The following PMM2 variants were observed in gnomAD, a reference collection of about 807,000 sequenced individuals.
PMM2 encodes the protein phosphomannomutase 2.
A neutral mutation model predicts 33.2 loss-of-function variants in PMM2; 35 were observed. The ratio of observed to expected loss-of-function variants is 1.06; its 90% CI spans 0.81 to 1.40. The LOEUF is 1.40. Among genes scored for constraint, PMM2 ranks in the 40% most tolerant of loss-of-function variants. The probability of loss-of-function intolerance (pLI) is 0.00; values close to 1 mark genes in which losing one functional copy is unlikely to be tolerated. For synonymous variants in PMM2, 153 were observed against 114.7 expected, an observed-to-expected ratio of 1.33 and a Z score of -2.13; for missense variants, 386 against 306.0, an observed-to-expected ratio of 1.26 and a Z score of -1.95.
At chr16:8,824,587 T>C (rs1448163336) in intron 7 of PMM2, among the ~76,000 whole-genome samples, 1 of 152,202 alleles carries the variant, frequency 6.6e-6, no homozygotes, top group Non-Finnish European at 1.5e-5. Flanking sequence ...CTTTTTTATA[T>C]TTGACAGTGC....
At chr16:8,804,038 T>TTGTTTG (rs1555449114) in intron 2 of PMM2, among the ~76,000 whole-genome samples, 5 of 43,294 alleles carry the variant, frequency 1.2e-4, no homozygotes, top group African/African-American at 2.8e-4. Flanking sequence ...TTTGTTTTTT[T>TTGTTTG]TTTTTTTTTT....
intron 2 of PMM2, among the ~76,000 whole-genome samples, chr16:8,803,831 CCACCA>C (rs1177370827): frequency 2.7e-5 from 4 of 148,618 alleles, no homozygotes; most frequent in Non-Finnish European, 6.0e-5. Context: ...CTACAGGCGC[CCACCA>C]GCACGCCCGG....
At chr16:8,845,495 A>C (rs1429231723) in intron 7 of PMM2, among the ~76,000 whole-genome samples, 1 of 152,090 alleles carries the variant, frequency 6.6e-6, no homozygotes, top group African/African-American at 2.4e-5. Flanking sequence ...TTAATGTGTG[A>C]ATACTGACTC....
intron 6 of PMM2, among the ~76,000 whole-genome samples, chr16:8,811,926 G>T (rs2060680113): frequency 6.6e-6 from 1 of 152,230 alleles, no homozygotes; most frequent in Admixed American, 6.5e-5. Flanking sequence ...CTTACACGCT[G>T]TTGGGCTTGG....
intron 2 of PMM2, among the ~76,000 whole-genome samples, chr16:8,804,043 T>G (rs1050767474): frequency 2.8e-5 from 4 of 142,132 alleles, no homozygotes; most frequent in Non-Finnish European, 6.1e-5. Context: ...TTTTTTTTTT[T>G]TTTTTTTTGA....
intron 1 of PMM2, among the ~76,000 whole-genome samples, chr16:8,798,599 G>T (rs1299525994): frequency 1.3e-5 from 2 of 152,200 alleles, no homozygotes; most frequent in African/African-American, 2.4e-5. Context: ...AATGGACTAG[G>T]GAGATGGAGG....
At chr16:8,804,043 T>C (rs1050767474) in intron 2 of PMM2, among the ~76,000 whole-genome samples, 20 of 142,134 alleles carry the variant, frequency 1.4e-4, no homozygotes, top group African/African-American at 4.8e-4. Context: ...TTTTTTTTTT[T>C]TTTTTTTTGA....
intron 7 of PMM2, among the ~76,000 whole-genome samples, chr16:8,822,838 C>G (rs775783139): frequency 6.6e-6 from 1 of 152,194 alleles, no homozygotes; most frequent in Non-Finnish European, 1.5e-5. Flanking sequence ...GCCTGCATGA[C>G]AAAGGCATTA....
rs1178910267 is a variant in PMM2 at position 8,848,246 on chromosome 16, G to A, written c.*421G>A. ...GGGCCCCTGCATCAATACCAAACAT[G>A]GGGGTTTGGTAATGAGAAACCAGGA... On this transcript the variant is annotated 3_prime_UTR_variant, in exon 8 of 8. Transcript: ENST00000268261. The A allele has an allele frequency of 4.5e-6, 1 of 220,982 alleles. No individual in the cohort carries two copies. Among genetic ancestry groups the A allele is most frequent in the Non-Finnish European group, 9.2e-6 (1 of 108,268 alleles). The allele number at this position is 220,982 out of a possible 1,614,324, so 13.7% of individuals were successfully genotyped here.
chr16:8,828,585 G>A (rs192939513), intron 7 of PMM2, among the ~76,000 whole-genome samples: 30 of 152,128 alleles, frequency 2.0e-4, no homozygotes, highest in Admixed American at 1.8e-3. Flanking sequence ...TCTGGATGCC[G>A]GAGACCAAAA....
In PMM2 at chr16:8,797,866, G is replaced by T. The variant is rs774998775; in HGVS notation, c.-17G>T. On this transcript the variant is annotated 5_prime_UTR_variant, in exon 1 of 8. Transcript: ENST00000268261. ...CGTGCCAACGTGTCTTGTAAGGTGC[G>T]GCTAGAAACTGGGGACATGGCAGCG... The T allele has an allele frequency of 2.5e-6, 4 of 1,610,480 alleles. No homozygotes were observed. The highest frequency in any genetic ancestry group is 1.1e-5 in the South Asian group (1 of 90,232).
chr16:8,801,827 T>C lies in PMM2; in HGVS notation c.95T>C (p.Leu32Pro). Reference sequence around the variant, plus strand: ...ATTACCAAAGAAATGGATGACTTCCTACAAAAATTGAGGCAGAAGATCAAA... The same window carrying C: ...ATTACCAAAGAAATGGATGACTTCCCACAAAAATTGAGGCAGAAGATCAAA... ...QKITKEMDDF[L>P]QKLRQKIKIG... The change falls in exon 2 of 8, where the codon CTA becomes CCA. Residue 32 changes from leucine (L) to proline (P), a missense_variant. Coordinates refer to ENST00000268261, the MANE Select transcript of PMM2 (RefSeq NM_000303.3). 6.2e-7 allele frequency: 1 copy of C among 1,611,140 alleles called. No homozygotes were observed. The highest frequency in any genetic ancestry group is 8.5e-7 in the Non-Finnish European group (1 of 1,177,898).
intron 7 of PMM2, among the ~76,000 whole-genome samples, chr16:8,841,183 G>T (rs2060888514): frequency 6.6e-6 from 1 of 151,070 alleles, no homozygotes; most frequent in Non-Finnish European, 1.5e-5. Context: ...GACTGTAAGG[G>T]ATATGAAGGT....
intron 2 of PMM2, among the ~76,000 whole-genome samples, chr16:8,804,399 A>G (rs573646191): frequency 6.6e-6 from 1 of 152,250 alleles, no homozygotes; most frequent in South Asian, 2.1e-4. Context: ...CTGATTCAGG[A>G]AGCGAGAGAG....
intron 4 of PMM2, chr16:8,809,301 G>A (rs1391429081): frequency 1.3e-5 from 2 of 152,204 alleles, no homozygotes; most frequent in African/African-American, 2.4e-5. Flanking sequence ...AGGGTTCCCA[G>A]GCATCAGCGT....
chr16:8,823,002 T>C (rs1393570910), intron 7 of PMM2, among the ~76,000 whole-genome samples: 1 of 151,850 alleles, frequency 6.6e-6, no homozygotes, highest in Non-Finnish European at 1.5e-5. Flanking sequence ...CAGAGAGAGA[T>C]TTGGGTCAGA....
Position 8,806,386 on chromosome 16 carries a change from A to G in PMM2, c.326A>G (p.Lys109Arg). ...LINYCLSYIA[K>R]IKLPKKRGTF... ...AACTACTGTCTGAGCTACATTGCGA[A>G]AATTAAACTCCCGAAGAAGAGGTGG... Residue 109 changes from lysine (K) to arginine (R), a missense_variant, in exon 4 of 8, where the codon AAA becomes AGA. Lys to Arg is a conservative substitution (Grantham distance 26, BLOSUM62 2). Coordinates refer to ENST00000268261, the MANE Select transcript of PMM2 (RefSeq NM_000303.3). The G allele has an allele frequency of 1.9e-6, 3 of 1,612,380 alleles. No individual in the cohort carries two copies. The highest frequency in any genetic ancestry group is 2.2e-5 in the South Asian group (2 of 91,058).
chr16:8,827,736 AT>A lies in PMM2; in HGVS notation c.639+14631del, dbSNP rs1596496960. On this transcript the variant is annotated intron_variant, in intron 7 of 7. Transcript: ENST00000268261. ...AATGTGTGCATATATATATATATAT[AT>A]ATATATATATATATATATATATATG... Among the ~76,000 whole-genome samples the A allele has an allele frequency of 1.2e-3, 36 of 28,820 alleles. 1 individual carries two copies. The highest frequency in any genetic ancestry group is 6.2e-3 in the East Asian group (5 of 804). The allele number at this position is 28,820 out of a possible 152,430, so 18.9% of individuals were successfully genotyped here.
At chr16:8,839,493 C>G (rs1221043844) in intron 7 of PMM2, among the ~76,000 whole-genome samples, 1 of 151,964 alleles carries the variant, frequency 6.6e-6, no homozygotes, top group Admixed American at 6.6e-5. Flanking sequence ...CGTTGAGTAT[C>G]TACAAGCAAC....
Sources: allele counts gnomAD v4.1 joint callset (sites outside exome capture counted in the v4.1 genomes callset), GRCh38; gene constraint gnomAD v4.1.1; transcripts MANE v1.5; gene names NCBI Gene and HGNC (gene_info 2026-07-23, HGNC 2026-07-21).